RPRD1A: variants seen among roughly 807,000 people sequenced by gnomAD.
RPRD1A encodes regulation of nuclear pre-mRNA domain containing 1A.
In RPRD1A, 9 loss-of-function variants were observed where a neutral mutation model predicts 37.8. The ratio of observed to expected loss-of-function variants is 0.24; its 90% CI spans 0.14 to 0.42. RPRD1A has a LOEUF of 0.42. Ranked by LOEUF, RPRD1A falls within the 10% of genes least tolerant of loss-of-function variation. The probability of loss-of-function intolerance (pLI) is 1.00; values close to 1 mark genes in which losing one functional copy is unlikely to be tolerated. For missense variants in RPRD1A, 255 were observed against 371.0 expected (o/e 0.69, Z 2.57); for synonymous variants, 138 against 139.7 (o/e 0.99, Z 0.08).
In RPRD1A at chr18:35,990,981, A is replaced by G. The variant is rs767984852; in HGVS notation, c.*2170T>C. On this transcript the variant is annotated 3_prime_UTR_variant, in exon 7 of 7. Coordinates refer to ENST00000399022, the MANE Select transcript of RPRD1A (RefSeq NM_018170.5). ...TTTTGAGTACTATCACTTATCACAA[A>G]TCTCATCAAGCTCTTTAAAAAAATA... 5 of 152,152 alleles carry G rather than the reference A, an allele frequency of 3.3e-5. No individual in the cohort carries two copies. Among genetic ancestry groups the G allele is most frequent in the Non-Finnish European group, 5.9e-5 (4 of 68,022 alleles). 9.4% of individuals were successfully genotyped at this position (152,152 alleles called of 1,614,324 possible).
chr18:36,033,299 C>CCAAAAAAAAAAAAAAAAAAA lies in RPRD1A; in HGVS notation c.281+408_281+409insTTTTTTTTTTTTTTTTTTTG, dbSNP rs1348356259. Among the ~76,000 whole-genome samples, 18 of 75,940 alleles carry CCAAAAAAAAAAAAAAAAAAA rather than the reference C, an allele frequency of 2.4e-4. 1 individual carries two copies. Among genetic ancestry groups the CCAAAAAAAAAAAAAAAAAAA allele is most frequent in the African/African-American group, 9.9e-4 (17 of 17,172 alleles). 49.8% of individuals were successfully genotyped at this position (75,940 alleles called of 152,430 possible). On this transcript the variant is annotated intron_variant, in intron 2 of 6. Coordinates refer to ENST00000399022, the MANE Select transcript of RPRD1A (RefSeq NM_018170.5). ...CCTGGGTGAGAGTGAGACTCTGTCT[C>CCAAAAAAAAAAAAAAAAAAA]AAAAAAAAAAAAAAAAAAAAAAAAA...
In RPRD1A at chr18:35,993,358, T is replaced by C. The variant is rs531836217; in HGVS notation, c.790-58A>G. The stretch of plus-strand genomic sequence containing the variant: ...GGGATTGAAAAAACTTCCTAGCTAA[T>C]AATGACCTACATAAACCCAGGTACT... On this transcript the variant is annotated intron_variant, in intron 6 of 6. Transcript: ENST00000399022. 2.0e-5 allele frequency: 31 copies of C among 1,583,244 alleles called. No individual in the cohort carries two copies. In the African/African-American group the frequency reaches 3.4e-4, roughly 17 times the overall value.
chr18:36,034,001 G>A (rs562827254), intron 1 of RPRD1A, among the ~76,000 whole-genome samples, 164 bp from the exon 2 acceptor site: 3 of 151,900 alleles, frequency 2.0e-5, no homozygotes, highest in East Asian at 3.9e-4. Flanking sequence ...ACCAGTCACT[G>A]CTGCTAAAAT....
chr18:36,010,689 G>C (rs551851454), intron 6 of RPRD1A, among the ~76,000 whole-genome samples: 4 of 152,302 alleles, frequency 2.6e-5, no homozygotes. Flanking sequence ...TGAGAATACT[G>C]GCAGGTGGGG....
At chr18:36,057,701 T>C (rs1913892296) in intron 1 of RPRD1A, among the ~76,000 whole-genome samples, 1 of 152,242 alleles carries the variant, frequency 6.6e-6, no homozygotes, top group Non-Finnish European at 1.5e-5. Context: ...ATGTTCAATT[T>C]GAAAAGTCAA....
chr18:35,997,670 T>G (rs1439217839), intron 6 of RPRD1A, among the ~76,000 whole-genome samples: 2 of 152,224 alleles, frequency 1.3e-5, no homozygotes, highest in Non-Finnish European at 1.5e-5. Context: ...CTACTACAAA[T>G]TTTGCTCTTC....
chr18:36,063,478 T>C (rs962436941), intron 1 of RPRD1A, among the ~76,000 whole-genome samples: 1 of 151,664 alleles, frequency 6.6e-6, no homozygotes, highest in Admixed American at 6.6e-5. Context: ...CATTCTTTTA[T>C]TTTAAACAGT....
At chr18:36,029,624 TAAAA>T (rs79491198) in intron 4 of RPRD1A, among the ~76,000 whole-genome samples, 4 of 113,076 alleles carry the variant, frequency 3.5e-5, no homozygotes, top group African/African-American at 1.0e-4. Flanking sequence ...AATGCCCACT[TAAAA>T]AAAAAAAAAA....
At chr18:36,058,806 T>C (rs1327926340) in intron 1 of RPRD1A, among the ~76,000 whole-genome samples, 1 of 152,216 alleles carries the variant, frequency 6.6e-6, no homozygotes, top group Non-Finnish European at 1.5e-5. Context: ...TGCTCATCTA[T>C]TATTTGCCTT....
Position 36,064,911 on chromosome 18 carries a change from C to T in RPRD1A, c.151+2343G>A, listed in dbSNP as rs117015447. Among the ~76,000 whole-genome samples the T allele has an allele frequency of 9.5e-3, 1,449 of 152,180 alleles. 7 individuals are homozygous for T. The highest frequency in any genetic ancestry group is 0.016 in the Non-Finnish European group (1,092 of 67,990). On this transcript the variant is annotated intron_variant, in intron 1 of 6. Transcript: ENST00000399022. ...GAAGCCAGCGAGACCACGAATCCACCGAGAGGGACCAACAACTCCGGATGG... is the reference window on the plus strand; with the variant it reads ...GAAGCCAGCGAGACCACGAATCCACTGAGAGGGACCAACAACTCCGGATGG...
chr18:36,039,208 G>C (rs1912411819), intron 1 of RPRD1A, among the ~76,000 whole-genome samples: 1 of 152,158 alleles, frequency 6.6e-6, no homozygotes, highest in Non-Finnish European at 1.5e-5. Flanking sequence ...GGAGGGGCCT[G>C]GTGGGTGCCA....
chr18:36,018,911 C>T (rs1463544835), intron 6 of RPRD1A, among the ~76,000 whole-genome samples: 1 of 151,980 alleles, frequency 6.6e-6, no homozygotes, highest in South Asian at 2.1e-4. Flanking sequence ...GGAAAAGGAA[C>T]CAGCTAAGGA....
intron 1 of RPRD1A, among the ~76,000 whole-genome samples, chr18:36,046,360 A>C (rs1038288358): frequency 6.6e-6 from 1 of 152,158 alleles, no homozygotes; most frequent in African/African-American, 2.4e-5. Flanking sequence ...CTAGTGGAAC[A>C]ACAGGACTTT....
chr18:36,031,028 A>C lies in RPRD1A; in HGVS notation c.351T>G (p.Tyr117Ter). Reference protein sequence around the residue: ...VLSIWEERSVYENDVLEQLKQ... With the variant: ...VLSIWEERSV ...TAAGTTGTTCTAATACATCATTTTCATAAACAGACCTTTCTTCCCAAATAG... is the reference window on the plus strand; with the variant it reads ...TAAGTTGTTCTAATACATCATTTTCCTAAACAGACCTTTCTTCCCAAATAG... The change falls in exon 3 of 7, where the codon TAT becomes TAG. Residue 117 changes from tyrosine (Y) to a stop codon, truncating the protein, a stop_gained. Coordinates refer to ENST00000399022, the MANE Select transcript of RPRD1A (RefSeq NM_018170.5). LOFTEE classifies it high-confidence loss of function. 6.2e-7 allele frequency: 1 copy of C among 1,600,756 alleles called. No homozygotes were observed. Among genetic ancestry groups the C allele is most frequent in the Non-Finnish European group, 8.5e-7 (1 of 1,176,738 alleles).
chr18:36,027,102 A>G, intron 5 of RPRD1A, 27 bp from the exon 6 acceptor site: 1 of 1,612,500 alleles, frequency 6.2e-7, no homozygotes, highest in Non-Finnish European at 8.5e-7. Flanking sequence ...ATAATAAAAT[A>G]TTATACAACA....
intron 6 of RPRD1A, among the ~76,000 whole-genome samples, chr18:36,019,209 G>A (rs945278369): frequency 1.3e-5 from 2 of 148,464 alleles, no homozygotes; most frequent in African/African-American, 2.5e-5. Flanking sequence ...CCGGGTTCAC[G>A]CCATTCTCCT....
intron 4 of RPRD1A, among the ~76,000 whole-genome samples, chr18:36,029,327 G>A (rs1283598322): frequency 6.6e-6 from 1 of 152,114 alleles, no homozygotes; most frequent in Non-Finnish European, 1.5e-5. Context: ...CAGTGAATTT[G>A]GAACCAGTCC....
At chr18:36,015,161 T>TACAC (rs1568121988) in intron 6 of RPRD1A, among the ~76,000 whole-genome samples, 1 of 102,276 alleles carries the variant, frequency 9.8e-6, no homozygotes, top group African/African-American at 4.0e-5. Flanking sequence ...CACACACATA[T>TACAC]ATACACATAT....
At chr18:36,004,069 C>T (rs1192433915) in intron 6 of RPRD1A, among the ~76,000 whole-genome samples, 7 of 142,474 alleles carry the variant, frequency 4.9e-5, no homozygotes, top group Admixed American at 1.5e-4. Flanking sequence ...TTCTTGAACT[C>T]CTGGGCTCAA....
Sources: gnomAD v4.1 joint callset for allele counts (sites outside exome capture counted in the v4.1 genomes callset) on GRCh38, gnomAD v4.1.1 for gene constraint, MANE v1.5 for transcripts, NCBI Gene and HGNC (gene_info 2026-07-23, HGNC 2026-07-21) for gene names.